The following LARGE1 variants were observed in gnomAD, a reference collection of about 807,000 sequenced individuals.
The protein encoded by LARGE1 is LARGE xylosyl- and glucuronyltransferase 1.
Under a neutral mutation model 87.6 loss-of-function variants are expected in LARGE1, and 43 were observed. The ratio of observed to expected loss-of-function variants is 0.49; its 90% CI spans 0.38 to 0.63. The LOEUF is 0.63. Ranked by LOEUF, LARGE1 falls within the 30% of genes least tolerant of loss-of-function variation. The pLI is 0.00. For missense variants in LARGE1, 802 were observed against 1,000.2 expected (o/e 0.80, Z 2.67); for synonymous variants, 434 against 394.6 (o/e 1.10, Z -1.18).
chr22:33,644,720 A>G (rs921614845), intron 3 of LARGE1, among the ~76,000 whole-genome samples: 4 of 152,234 alleles, frequency 2.6e-5, no homozygotes, highest in Non-Finnish European at 5.9e-5. Context: ...AAATCTCAGG[A>G]TACAAAACCA....
chr22:33,580,510 T>A (rs2078486161), intron 5 of LARGE1, among the ~76,000 whole-genome samples: 1 of 151,864 alleles, frequency 6.6e-6, no homozygotes, highest in South Asian at 2.1e-4. Context: ...AAGGAAGAAA[T>A]ATTTCATTAT....
Position 33,480,527 on chromosome 22 carries a change from T to C in LARGE1, c.788-48262A>G, listed in dbSNP as rs1433661391. Among the ~76,000 whole-genome samples, 3 of 152,254 alleles carry C rather than the reference T, an allele frequency of 2.0e-5. No individual in the cohort carries two copies. In the East Asian group the frequency reaches 5.8e-4, roughly 29 times the overall value. ...TTTCCAGAAAGCAGCCTTCTTCCAG[T>C]AGAGGAGAACCAGGCCCTGCTTTAA... On this transcript the variant is annotated intron_variant, in intron 6 of 14. Transcript: ENST00000397394.
At chr22:33,707,288 T>C (rs1373493950) in intron 2 of LARGE1, among the ~76,000 whole-genome samples, 3 of 152,262 alleles carry the variant, frequency 2.0e-5, no homozygotes, top group Non-Finnish European at 4.4e-5. Flanking sequence ...CCCATCATTT[T>C]ACTGTGAGTC....
In LARGE1 at chr22:33,304,453, G is replaced by A. The variant is rs759189224; in HGVS notation, c.1506C>T (p.Ala502=). 1.2e-6 allele frequency: 2 copies of A among 1,613,342 alleles called. No individual in the cohort carries two copies. The highest frequency in any genetic ancestry group is 1.7e-5 in the Admixed American group (1 of 59,986). ...GGGCCTCGGCGTCTGACAGGTAGAG[G>A]GCCAGGCTGATGGGCCCCTCCCAGT... The part of the protein sequence containing the change: ...CKHWEGPISL[A]LYLSDAEAQQ... Residue 502 remains alanine (A), a synonymous_variant, in exon 12 of 15, where the codon GCC becomes GCT. Coordinates refer to ENST00000397394, the MANE Select transcript of LARGE1 (RefSeq NM_133642.5).
chr22:33,384,127 G>C (rs2065247332), intron 8 of LARGE1, 65 bp downstream of exon 8: 2 of 1,131,592 alleles, frequency 1.8e-6, no homozygotes, highest in Non-Finnish European at 2.7e-6. Flanking sequence ...TTAATTTTAA[G>C]TTTCTTTGAG....
At chr22:33,575,642 T>C (rs1249837831) in intron 5 of LARGE1, among the ~76,000 whole-genome samples, 1 of 152,194 alleles carries the variant, frequency 6.6e-6, no homozygotes, top group Non-Finnish European at 1.5e-5. Flanking sequence ...TCAATGAACA[T>C]TTATTCAGAC....
intron 1 of LARGE1, chr22:33,861,709 C>G (rs555559651): frequency 6.6e-6 from 1 of 152,428 alleles, no homozygotes; most frequent in African/African-American, 2.4e-5. Context: ...ATCTTGCACC[C>G]GCAAATAAAT....
chr22:33,374,176 T>C (rs1330518229), intron 9 of LARGE1, among the ~76,000 whole-genome samples: 1 of 152,114 alleles, frequency 6.6e-6, no homozygotes, highest in Non-Finnish European at 1.5e-5. Flanking sequence ...TCCTGTATAA[T>C]ATGGTATACA....
intron 6 of LARGE1, among the ~76,000 whole-genome samples, chr22:33,488,393 A>G (rs997889901): frequency 3.3e-5 from 5 of 152,180 alleles, no homozygotes; most frequent in Non-Finnish European, 5.9e-5. Context: ...GAGAAAAGTG[A>G]ACAACAGGGC....
intron 9 of LARGE1, among the ~76,000 whole-genome samples, chr22:33,361,816 G>C (rs2064399780): frequency 6.9e-6 from 1 of 144,562 alleles, no homozygotes. Flanking sequence ...GCACCTAGCA[G>C]ACTCTATTGG....
chr22:33,068,342 C>T, the LARGE1 span, among the ~76,000 whole-genome samples: 1 of 152,134 alleles, frequency 6.6e-6, no homozygotes, highest in African/African-American at 2.4e-5. Context: ...GGGCAAAGCA[C>T]ATTCAAGACA....
At chr22:33,179,847 T>C (rs1923071592) in intron 11 of LARGE1, among the ~76,000 whole-genome samples, 1 of 151,608 alleles carries the variant, frequency 6.6e-6, no homozygotes. Context: ...GTTTGAATGA[T>C]GGTGTCTGTT....
At chr22:33,085,579 T>A in the LARGE1 span, among the ~76,000 whole-genome samples, 16 of 152,346 alleles carry the variant, frequency 1.1e-4, no homozygotes, top group Middle Eastern at 3.4e-3. Flanking sequence ...GCTCTAAATT[T>A]ACTAATATCA....
chr22:33,796,063 A>G (rs1256018979), intron 1 of LARGE1, among the ~76,000 whole-genome samples: 1 of 151,500 alleles, frequency 6.6e-6, no homozygotes, highest in African/African-American at 2.4e-5. Flanking sequence ...CACCTTTGCT[A>G]TTTCTAAACT....
At chr22:33,535,322 T>A (rs2077010474) in intron 6 of LARGE1, among the ~76,000 whole-genome samples, 1 of 152,104 alleles carries the variant, frequency 6.6e-6, no homozygotes, top group Non-Finnish European at 1.5e-5. Flanking sequence ...GGTGGGTGGA[T>A]CTCCGGAGGT....
chr22:33,103,320 C>T, the LARGE1 span, among the ~76,000 whole-genome samples: 3 of 150,012 alleles, frequency 2.0e-5, no homozygotes, highest in Non-Finnish European at 4.4e-5. Context: ...GTAGTCCCAG[C>T]TACTCGGGAG....
chr22:33,606,095 T>C (rs2079251268), intron 4 of LARGE1, among the ~76,000 whole-genome samples: 1 of 152,074 alleles, frequency 6.6e-6, no homozygotes, highest in African/African-American at 2.4e-5. Context: ...GACATGAGAA[T>C]GCAATGAAAG....
chr22:33,879,897 T>C (rs981626131), intron 1 of LARGE1, among the ~76,000 whole-genome samples: 18 of 152,226 alleles, frequency 1.2e-4, no homozygotes, highest in African/African-American at 4.1e-4. Context: ...GCTGATTAAA[T>C]GAATGTAATA....
At chr22:33,243,728 G>A (rs1391437341) in intron 11 of LARGE1, among the ~76,000 whole-genome samples, 1 of 152,028 alleles carries the variant, frequency 6.6e-6, no homozygotes. Flanking sequence ...ATATTTTTTT[G>A]TGGGCATATG....
Sources: allele counts gnomAD v4.1 joint callset (sites outside exome capture counted in the v4.1 genomes callset), GRCh38; gene constraint gnomAD v4.1.1; transcripts MANE v1.5; gene names NCBI Gene and HGNC (gene_info 2026-07-23, HGNC 2026-07-21).